Variants in POP1 observed in about 807,000 individuals in gnomAD.
The protein encoded by POP1 is POP1 ribonuclease P/MRP subunit.
A neutral mutation model predicts 102.2 loss-of-function variants in POP1; 75 were observed. The ratio of observed to expected loss-of-function variants is 0.73; its 90% CI spans 0.61 to 0.89. The LOEUF (loss-of-function observed/expected upper bound fraction) is 0.89. Among genes scored for constraint, POP1 ranks in the 40% least tolerant of loss-of-function variants. The pLI, the probability that POP1 is intolerant of heterozygous loss-of-function variation, is 0.00. For synonymous variants in POP1, 436 were observed against 464.1 expected, an observed-to-expected ratio of 0.94 and a Z score of 0.78; for missense variants, 1,116 against 1,267.4, an observed-to-expected ratio of 0.88 and a Z score of 1.81.
chr8:98,133,959 A>G lies in POP1; in HGVS notation c.746A>G (p.Tyr249Cys). Residue 249 changes from tyrosine (Y) to cysteine (C), a missense_variant, in exon 6 of 16, where the codon TAT becomes TGT. By Grantham distance (194) the Tyr-to-Cys change is radical (BLOSUM62 -2). Transcript: ENST00000401707. ...TNRCLLQDLS[Y>C]YCCLELKGKE... ...TCCCGCTTTGTGCAGGATTTATCCT[A>G]TTACTGTTGTTTGGAGTTGAAAGGC... 2 of 1,612,580 alleles carry G rather than the reference A, an allele frequency of 1.2e-6. No individual in the cohort carries two copies. Among genetic ancestry groups the G allele is most frequent in the South Asian group, 1.1e-5 (1 of 91,052 alleles).
At chr8:98,140,460 T>C (rs1816671911) in intron 10 of POP1, among the ~76,000 whole-genome samples, 1 of 152,220 alleles carries the variant, frequency 6.6e-6, no homozygotes, top group Admixed American at 6.5e-5. Context: ...ACCTAAACTC[T>C]ATGCTTACCT....
intron 1 of POP1, among the ~76,000 whole-genome samples, chr8:98,118,049 T>A (rs950187815): frequency 5.9e-5 from 9 of 151,730 alleles, no homozygotes; most frequent in Non-Finnish European, 1.2e-4. Context: ...AAAAAAATAA[T>A]AATAAAATCT....
chr8:98,122,463 A>AG (rs1816058317), intron 1 of POP1, among the ~76,000 whole-genome samples: 1 of 152,192 alleles, frequency 6.6e-6, no homozygotes, highest in African/African-American at 2.4e-5. Flanking sequence ...GTCCATGTAT[A>AG]GGGCCCTTCG....
intron 7 of POP1, among the ~76,000 whole-genome samples, chr8:98,135,056 T>A (rs544587749): frequency 8.5e-5 from 13 of 152,246 alleles, no homozygotes; most frequent in African/African-American, 3.1e-4. Context: ...AGCAGTTGGA[T>A]CACTTGAATC....
In POP1 at chr8:98,137,026, A is replaced by G. The variant is rs552718154; in HGVS notation, c.1362+72A>G. On this transcript the variant is annotated intron_variant, in intron 9 of 15. Transcript: ENST00000401707. ...CTGTCAAATTTGTGAAACCTAATAT[A>G]TAATTTGGTAACATTTTGGGCCATG... The G allele has an allele frequency of 4.7e-5, 63 of 1,344,128 alleles. No homozygotes were observed. In the African/African-American group the frequency reaches 7.1e-4, roughly 15 times the overall value. The allele number at this position is 1,344,128 out of a possible 1,614,324, so 83.3% of individuals were successfully genotyped here.
chr8:98,135,326 G>A (rs1447021943), intron 7 of POP1, among the ~76,000 whole-genome samples: 2 of 151,798 alleles, frequency 1.3e-5, no homozygotes, highest in African/African-American at 2.4e-5. Flanking sequence ...TAAGTCATAA[G>A]CAGAAGTAGA....
intron 5 of POP1, among the ~76,000 whole-genome samples, chr8:98,133,430 G>A (rs1341126466): frequency 2.0e-5 from 3 of 152,098 alleles, no homozygotes; most frequent in Non-Finnish European, 4.4e-5. Flanking sequence ...TGGATTAATT[G>A]CAATATTGTA....
Position 98,150,366 on chromosome 8 carries a change from A to G in POP1, c.1903-119A>G, listed in dbSNP as rs1809482265. On this transcript the variant is annotated intron_variant, in intron 13 of 15. Coordinates refer to ENST00000401707, the MANE Select transcript of POP1 (RefSeq NM_001145860.2). The stretch of plus-strand genomic sequence containing the variant: ...TATTGCATGGTAATCCATTGTGTGT[A>G]TTTCTATCCATTCTCCTTTTGAGGG... The G allele has an allele frequency of 4.9e-5, 52 of 1,059,470 alleles. No individual in the cohort carries two copies. In the South Asian group the frequency reaches 6.4e-4, roughly 13 times the overall value. 65.6% of individuals were successfully genotyped at this position (1,059,470 alleles called of 1,614,324 possible).
In POP1 at chr8:98,156,331, C is replaced by A. The variant is rs149744031; in HGVS notation, c.2339C>A (p.Ser780Ter). Residue 780 changes from serine (S) to a stop codon, truncating the protein, a stop_gained, in exon 15 of 16, where the codon TCG becomes TAG. Transcript: ENST00000401707. LOFTEE classifies it high-confidence loss of function. ...GTAATGGATGCAGGGTGTCAAGAAT[C>A]GGCAGGGCCTGAGAGGATCACAGAC... is the stretch of plus-strand genomic sequence containing the variant. Reference protein sequence around the residue: ...EEVMDAGCQESAGPERITDQE... With the variant: ...EEVMDAGCQE The A allele has an allele frequency of 4.3e-6, 7 of 1,614,052 alleles. No individual in the cohort carries two copies. Among genetic ancestry groups the A allele is most frequent in the Non-Finnish European group, 5.9e-6 (7 of 1,180,014 alleles).
chr8:98,155,376 G>A (rs1479650424), intron 14 of POP1, among the ~76,000 whole-genome samples: 1 of 152,196 alleles, frequency 6.6e-6, no homozygotes, highest in Non-Finnish European at 1.5e-5. Flanking sequence ...TGCCTCCTGG[G>A]TTCAAGCGAT....
Position 98,158,321 on chromosome 8 carries a change from G to C in POP1, c.*50G>C. 1 of 1,581,496 alleles carries C rather than the reference G, an allele frequency of 6.3e-7. No individual in the cohort carries two copies. Among genetic ancestry groups the C allele is most frequent in the Non-Finnish European group, 8.6e-7 (1 of 1,164,420 alleles). ...CATAGATAATACGTTATTATTGTCTGCCAAGTTCTACATGTGGAGAATCTG... is the reference window on the plus strand; with the variant it reads ...CATAGATAATACGTTATTATTGTCTCCCAAGTTCTACATGTGGAGAATCTG... On this transcript the variant is annotated 3_prime_UTR_variant, in exon 16 of 16. Transcript: ENST00000401707.
chr8:98,141,720 ATTTTTTTT>A (rs933222679), intron 11 of POP1, among the ~76,000 whole-genome samples: 3 of 133,144 alleles, frequency 2.3e-5, no homozygotes, highest in African/African-American at 8.4e-5. Flanking sequence ...CGCCTGGCTA[ATTTTTTTT>A]TTTTTTTTTT....
chr8:98,151,394 A>C (rs540044534), intron 14 of POP1, among the ~76,000 whole-genome samples: 15 of 152,284 alleles, frequency 9.9e-5, no homozygotes, highest in South Asian at 4.1e-4. Flanking sequence ...CACTGTTTTT[A>C]TATCTTAGTA....
chr8:98,152,475 G>A (rs1809538634), intron 14 of POP1, among the ~76,000 whole-genome samples: 2 of 152,214 alleles, frequency 1.3e-5, no homozygotes, highest in Non-Finnish European at 2.9e-5. Flanking sequence ...CTCTGCCACT[G>A]TGGCTCCAAA....
intron 4 of POP1, among the ~76,000 whole-genome samples, chr8:98,129,586 T>C (rs7840318): frequency 0.56 from 84,484 of 152,054 alleles, 24,082 homozygotes; most frequent in South Asian, 0.76. Flanking sequence ...AGTTTTTGGT[T>C]TTAGTTACAA....
chr8:98,134,103 T>A, intron 6 of POP1, 67 bp downstream of exon 6: 1 of 1,197,390 alleles, frequency 8.4e-7, no homozygotes. Context: ...TAAAGAAGTG[T>A]CTACTGTAAG....
intron 11 of POP1, among the ~76,000 whole-genome samples, chr8:98,144,501 C>T (rs1816792815): frequency 6.6e-6 from 1 of 152,118 alleles, no homozygotes; most frequent in Non-Finnish European, 1.5e-5. Flanking sequence ...TCTCAAACTC[C>T]TAGGCTCAAG....
chr8:98,157,335 C>G (rs572769395), intron 15 of POP1, among the ~76,000 whole-genome samples: 1 of 152,138 alleles, frequency 6.6e-6, no homozygotes, highest in Non-Finnish European at 1.5e-5. Context: ...TATTTTCACC[C>G]TCACTGTGAT....
chr8:98,157,577 A>G, intron 15 of POP1, 40 bp from the exon 16 acceptor site: 6 of 1,609,914 alleles, frequency 3.7e-6, no homozygotes, highest in Non-Finnish European at 5.1e-6. Flanking sequence ...TTTTTTCTGG[A>G]ACAAAATATC....
Sources: allele counts gnomAD v4.1 joint callset (sites outside exome capture counted in the v4.1 genomes callset), GRCh38; gene constraint gnomAD v4.1.1; transcripts MANE v1.5; gene names NCBI Gene and HGNC (gene_info 2026-07-23, HGNC 2026-07-21).